ZNF585B: variants seen among roughly 807,000 people sequenced by gnomAD.
The protein encoded by ZNF585B is zinc finger protein 585B.
In ZNF585B, 7 loss-of-function variants were observed where a neutral mutation model predicts 14.0. The observed-to-expected ratio is 0.50, with a 90% CI of 0.28 to 0.94. The LOEUF is 0.94. Ranked by LOEUF, ZNF585B falls within the 40% of genes least tolerant of loss-of-function variation. The probability of loss-of-function intolerance (pLI) is 0.09; values close to 1 mark genes in which losing one functional copy is unlikely to be tolerated. For synonymous variants in ZNF585B, 290 were observed against 317.3 expected (o/e 0.91, Z 0.91); for missense variants, 750 against 924.4 (o/e 0.81, Z 2.45).
intron 2 of ZNF585B, among the ~76,000 whole-genome samples, chr19:37,200,549 CAAAAAAAAAAA>C (rs368092726): frequency 2.0e-5 from 1 of 48,822 alleles, no homozygotes; most frequent in Non-Finnish European, 4.2e-5. Context: ...GATTCTGTCT[CAAAAAAAAAAA>C]AAAAAAAAAG....
At chr19:37,209,255 C>T (rs1208509345) in intron 1 of ZNF585B, among the ~76,000 whole-genome samples, 2 of 151,986 alleles carry the variant, frequency 1.3e-5, no homozygotes, top group African/African-American at 4.8e-5. Flanking sequence ...CAGGCACCCA[C>T]CACCACACCC....
In ZNF585B at chr19:37,186,958, T is replaced by C; in HGVS notation, c.579A>G (p.Lys193=). ...EKPYKCNECG[K]SFFQVSSLFR... is the part of the protein sequence containing the mutation. ...AAAGAGACGATACTTGAAAAAAGGA[T>C]TTTCCACATTCATTGCACTTATAGG... The change falls in exon 5 of 5, where the codon AAA becomes AAG. Residue 193 remains lysine (K), a synonymous_variant. Transcript: ENST00000532828. 6.2e-7 allele frequency: 1 copy of C among 1,614,176 alleles called. No individual in the cohort carries two copies. The highest frequency in any genetic ancestry group is 8.5e-7 in the Non-Finnish European group (1 of 1,180,030).
chr19:37,208,356 T>A (rs1477740032), intron 1 of ZNF585B, among the ~76,000 whole-genome samples: 28 of 152,152 alleles, frequency 1.8e-4, no homozygotes, highest in Non-Finnish European at 8.8e-5. Flanking sequence ...GATATTAAAA[T>A]AATTTTCAGA....
chr19:37,198,423 C>G lies in ZNF585B; in HGVS notation c.73-8273G>C, dbSNP rs184667437. ...CCTACCTCAGGTGGTCCACCAGCCTCAGCTTCTCAAAGTGCTGGGATTACA... is the reference window on the plus strand; with the variant it reads ...CCTACCTCAGGTGGTCCACCAGCCTGAGCTTCTCAAAGTGCTGGGATTACA... On this transcript the variant is annotated intron_variant, in intron 2 of 4. Coordinates refer to ENST00000532828, the MANE Select transcript of ZNF585B (RefSeq NM_152279.4). Among the ~76,000 whole-genome samples, 131 of 152,198 alleles carry G rather than the reference C, an allele frequency of 8.6e-4. 2 individuals carry two copies. The East Asian group carries it at 0.023, about 27-fold the overall frequency.
rs1972596260 is a variant in ZNF585B at position 37,207,246 on chromosome 19, C to T, written c.-135G>A. The T allele has an allele frequency of 1.4e-6, 2 of 1,475,660 alleles. No individual in the cohort carries two copies. The highest frequency in any genetic ancestry group is 1.8e-6 in the Non-Finnish European group (2 of 1,117,006). 91.4% of individuals were successfully genotyped at this position (1,475,660 alleles called of 1,614,324 possible). A position where few individuals can be genotyped will look rare whatever the true frequency, so the allele number is the denominator to read the frequency against. On this transcript the variant is annotated 5_prime_UTR_variant, in exon 2 of 5. It adds an upstream start codon to the 5' untranslated region. Coordinates refer to ENST00000532828, the MANE Select transcript of ZNF585B (RefSeq NM_152279.4). ...CTGGCCCAGGGACTCCCCAGAGACA[C>T]CCAAGAACCTAGAAAAACAATGTCC... is the stretch of plus-strand genomic sequence containing the variant.
At chr19:37,209,096 A>C (rs73624900) in intron 1 of ZNF585B, among the ~76,000 whole-genome samples, 2,429 of 152,170 alleles carry the variant, frequency 0.016, 57 homozygotes, top group African/African-American at 0.055. Flanking sequence ...TGAGCTATTT[A>C]GTCATATCTA....
At chr19:37,199,391 G>T in intron 2 of ZNF585B, 1 of 398,562 alleles carries the variant, frequency 2.5e-6, no homozygotes, top group Non-Finnish European at 4.9e-6. Flanking sequence ...CAGTTCTATT[G>T]GCGCGTACCT....
rs1972349151 is a variant in ZNF585B at position 37,187,216 on chromosome 19, A to G, written c.321T>C (p.His107=). ...CTGGTTTATAACCGATGATTTTTCT[A>G]TGTTGATTATGGTCCCATAATTTCT... ...PGEKLWDHNQ[H]RKIIGYKPAS... is the part of the protein sequence containing the mutation. The change falls in exon 5 of 5, where the codon CAT becomes CAC. Residue 107 remains histidine, a synonymous_variant. Coordinates refer to ENST00000532828, the MANE Select transcript of ZNF585B (RefSeq NM_152279.4). 1.9e-6 allele frequency: 3 copies of G among 1,610,036 alleles called. No individual in the cohort carries two copies. Among genetic ancestry groups the G allele is most frequent in the South Asian group, 1.1e-5 (1 of 90,202 alleles).
At position 37,187,273 on chromosome 19, in the gene ZNF585B, GA is replaced by G. The variant is rs200150129; in HGVS notation, c.293-30del. 1.5e-3 allele frequency: 2,193 copies of G among 1,496,516 alleles called. 38 individuals are homozygous for G. In the African/African-American group the frequency reaches 0.028, roughly 19 times the overall value. The allele number at this position is 1,496,516 out of a possible 1,614,324, so 92.7% of individuals were successfully genotyped here. On this transcript the variant is annotated intron_variant, in intron 4 of 4. Coordinates refer to ENST00000532828, the MANE Select transcript of ZNF585B (RefSeq NM_152279.4). ...TTGGAGTACATTCACAGTAAGTATA[GA>G]AAGACATTTTACCATAGTTAGTACT...
chr19:37,203,402 C>T (rs1213061013), intron 2 of ZNF585B, among the ~76,000 whole-genome samples: 2 of 150,952 alleles, frequency 1.3e-5, no homozygotes, highest in Non-Finnish European at 2.9e-5. Flanking sequence ...ATCACTTGAA[C>T]CCAGGAGGCA....
intron 2 of ZNF585B, among the ~76,000 whole-genome samples, chr19:37,198,347 T>A (rs1568510229): frequency 6.6e-6 from 1 of 152,030 alleles, no homozygotes; most frequent in Admixed American, 6.6e-5. Flanking sequence ...AATTTTTGTA[T>A]TTTTAGTAGA....
chr19:37,199,639 AGAG>A (rs1229048883), intron 2 of ZNF585B: 2 of 285,660 alleles, frequency 7.0e-6, no homozygotes, highest in Non-Finnish European at 1.4e-5. Context: ...ACAAAAATAG[AGAG>A]GAGATTAAAA....
chr19:37,187,112 T>C lies in ZNF585B; in HGVS notation c.425A>G (p.Lys142Arg), dbSNP rs1186393524. The C allele has an allele frequency of 6.2e-7, 1 of 1,614,024 alleles. No homozygotes were observed. The highest frequency in any genetic ancestry group is 2.2e-5 in the East Asian group (1 of 44,880). Residue 142 changes from lysine (K) to arginine (R), a missense_variant, in exon 5 of 5, where the codon AAG (lysine) becomes AGG (arginine). Around this residue, in one of 2 missense-constraint regions of ZNF585B, gnomAD observed 517 missense variants for 570.3 expected, o/e 0.91. Transcript: ENST00000532828. The stretch of plus-strand genomic sequence containing the variant: ...TTTCAGATGTACCTTGAACTGTGAC[T>C]TCCAGGTGAAGCTCTTTCCAAATTC... ...CAEFGKSFTWKSQFKVHLKVP... is the reference protein window; with the variant it reads ...CAEFGKSFTWRSQFKVHLKVP...
chr19:37,209,717 G>A (rs1032543999), intron 1 of ZNF585B, among the ~76,000 whole-genome samples: 1 of 145,146 alleles, frequency 6.9e-6, no homozygotes, highest in Non-Finnish European at 1.5e-5. Flanking sequence ...AACATAAAGT[G>A]CACTTCTTTT....
intron 2 of ZNF585B, among the ~76,000 whole-genome samples, chr19:37,194,198 T>C (rs946941589): frequency 6.6e-6 from 1 of 152,204 alleles, no homozygotes; most frequent in Non-Finnish European, 1.5e-5. Flanking sequence ...TCTTTACTTT[T>C]GTATATATTT....
At position 37,185,418 on chromosome 19, in the gene ZNF585B, C is replaced by T. The variant is rs1972321689; in HGVS notation, c.2119G>A (p.Val707Met). Residue 707 changes from valine to methionine, a missense_variant, in exon 5 of 5, where the codon GTG becomes ATG. This residue lies in a region of ZNF585B where 233 missense variants were observed against 354.1 expected (regional missense o/e 0.66). Coordinates refer to ENST00000532828, the MANE Select transcript of ZNF585B (RefSeq NM_152279.4). ...TCTCCAGTGTGAATTCGCTGATGCA[C>T]TTGGAGCTGTGATTTTTTAGTGAAA... ...KSFTKKSQLQ[V>M]HQRIHTGEKP... 14 of 1,613,494 alleles carry T rather than the reference C, an allele frequency of 8.7e-6. No individual in the cohort carries two copies. The highest frequency in any genetic ancestry group is 2.2e-5 in the South Asian group (2 of 91,054).
chr19:37,209,726 T>TC (rs1972626347), intron 1 of ZNF585B, among the ~76,000 whole-genome samples: 1 of 134,730 alleles, frequency 7.4e-6, no homozygotes, highest in Admixed American at 7.9e-5. Flanking sequence ...TGCACTTCTT[T>TC]TTTTTTTTTT....
At chr19:37,195,483 G>C (rs1972455928) in intron 2 of ZNF585B, among the ~76,000 whole-genome samples, 2 of 149,642 alleles carry the variant, frequency 1.3e-5, no homozygotes, top group Admixed American at 6.7e-5. Flanking sequence ...TAGTCAACTA[G>C]ACTGATGAAA....
rs761267729 is a variant in ZNF585B at position 37,187,204 on chromosome 19, G to A, written c.333C>T (p.Ile111=). The change falls in exon 5 of 5, where the codon ATC becomes ATT. Residue 111 remains isoleucine, a synonymous_variant. Coordinates refer to ENST00000532828, the MANE Select transcript of ZNF585B (RefSeq NM_152279.4). ...CTTGAGAGGAAGCTGGTTTATAACC[G>A]ATGATTTTTCTATGTTGATTATGGT... The part of the protein sequence containing the change: ...LWDHNQHRKI[I]GYKPASSQDQ... 8.8e-5 allele frequency: 141 copies of A among 1,610,894 alleles called. No individual in the cohort carries two copies. Among genetic ancestry groups the A allele is most frequent in the Non-Finnish European group, 1.1e-4 (131 of 1,179,214 alleles).
Sources: allele counts gnomAD v4.1 joint callset (sites outside exome capture counted in the v4.1 genomes callset), GRCh38; gene constraint gnomAD v4.1.1; regional missense constraint gnomAD v4.1.1; transcripts MANE v1.5; gene names NCBI Gene and HGNC (gene_info 2026-07-23, HGNC 2026-07-21).